Variants in IMMP2L observed in about 807,000 individuals in gnomAD.
IMMP2L encodes inner mitochondrial membrane peptidase subunit 2, also known as mitochondrial inner membrane protease subunit 2.
IMMP2L carries 18 observed loss-of-function variants against 19.3 expected under a neutral mutation model. The ratio of observed to expected loss-of-function variants is 0.93; its 90% CI spans 0.64 to 1.38. The LOEUF is 1.38. Among genes scored for constraint, IMMP2L ranks in the 40% most tolerant of loss-of-function variants. IMMP2L has a pLI of 0.00. For synonymous variants in IMMP2L, 76 were observed against 73.0 expected, an observed-to-expected ratio of 1.04 and a Z score of -0.21; for missense variants, 233 against 218.2, an observed-to-expected ratio of 1.07 and a Z score of -0.43.
chr7:111,436,032 C>T (rs922400848), intron 3 of IMMP2L, among the ~76,000 whole-genome samples: 2 of 151,706 alleles, frequency 1.3e-5, no homozygotes, highest in Non-Finnish European at 2.9e-5. Context: ...ACCAGGTGTC[C>T]TGCCAGACCT....
intron 3 of IMMP2L, among the ~76,000 whole-genome samples, chr7:111,045,176 C>T (rs961935428): frequency 8.5e-5 from 13 of 152,224 alleles, no homozygotes; most frequent in Non-Finnish European, 1.0e-4. Flanking sequence ...AAAAGAACAA[C>T]TATTTGGCTT....
At chr7:111,043,368 T>G (rs1341994710) in intron 3 of IMMP2L, among the ~76,000 whole-genome samples, 1 of 152,316 alleles carries the variant, frequency 6.6e-6, no homozygotes, top group Middle Eastern at 3.4e-3. Context: ...TTACTTAATG[T>G]CCCACCTTCC....
At chr7:111,428,925 A>C (rs1444611327) in intron 3 of IMMP2L, among the ~76,000 whole-genome samples, 2 of 151,882 alleles carry the variant, frequency 1.3e-5, no homozygotes, top group Non-Finnish European at 2.9e-5. Context: ...TAAAAGTGTA[A>C]AAATAAAATA....
chr7:111,321,599 G>A (rs1824727551), intron 3 of IMMP2L, among the ~76,000 whole-genome samples: 1 of 151,782 alleles, frequency 6.6e-6, no homozygotes. Flanking sequence ...GATATAAAAG[G>A]AGTCCTTAAC....
At chr7:111,014,349 T>G (rs898193752) in intron 3 of IMMP2L, among the ~76,000 whole-genome samples, 9 of 151,876 alleles carry the variant, frequency 5.9e-5, no homozygotes, top group Admixed American at 1.3e-4. Context: ...AGTGAGACTC[T>G]GTGTCAAAAG....
At chr7:111,290,625 A>G (rs1584476223) in intron 3 of IMMP2L, among the ~76,000 whole-genome samples, 1 of 152,230 alleles carries the variant, frequency 6.6e-6, no homozygotes, top group South Asian at 2.1e-4. Flanking sequence ...CAAGGGAGAA[A>G]AGAAGCAGAA....
rs148017622 is a variant in IMMP2L, at chr7:110,666,284, T to C, written c.409-2563A>G. Among the ~76,000 whole-genome samples, 537 of 152,136 alleles carry C rather than the reference T, an allele frequency of 3.5e-3. 1 individual carries two copies. The highest frequency in any genetic ancestry group is 0.012 in the African/African-American group (501 of 41,512). On this transcript the variant is annotated intron_variant, in intron 5 of 5. Transcript: ENST00000405709. Reference sequence around the variant, plus strand: ...GGTTTCTTGTTTGTTTGTTTGTTTGTTTGCTTTTGAGACAGAGTCTCACTC... The same window carrying C: ...GGTTTCTTGTTTGTTTGTTTGTTTGCTTGCTTTTGAGACAGAGTCTCACTC...
intron 5 of IMMP2L, among the ~76,000 whole-genome samples, chr7:110,752,729 G>A (rs1797799841): frequency 6.6e-6 from 1 of 152,004 alleles, no homozygotes; most frequent in African/African-American, 2.4e-5. Flanking sequence ...AACTCTGAAG[G>A]GATGTGGGGA....
rs566759054 is a variant in IMMP2L, at chr7:111,354,037, T to C, written c.239+133201A>G. 2.0e-5 allele frequency among the ~76,000 whole-genome samples: 3 copies of C among 152,090 alleles called. No homozygotes were observed. In the East Asian group the frequency reaches 5.8e-4, roughly 29 times the overall value. On this transcript the variant is annotated intron_variant, in intron 3 of 5. Transcript: ENST00000405709. ...AAGACCAGATATTACTCAGAGAGAA[T>C]GTAAAATCAATAAAGAGTAGAACAT...
intron 3 of IMMP2L, among the ~76,000 whole-genome samples, chr7:111,393,947 A>G (rs534550754): frequency 2.6e-5 from 4 of 152,280 alleles, no homozygotes; most frequent in African/African-American, 9.6e-5. Flanking sequence ...TCATATTCTC[A>G]CATTTTCAAA....
intron 3 of IMMP2L, among the ~76,000 whole-genome samples, chr7:111,082,106 A>G (rs1468978747): frequency 1.3e-5 from 2 of 152,220 alleles, no homozygotes; most frequent in African/African-American, 4.8e-5. Context: ...TTTGGAGGCT[A>G]CAAATCCTGA....
chr7:111,039,114 T>C (rs1339808890), intron 3 of IMMP2L, among the ~76,000 whole-genome samples: 1 of 152,092 alleles, frequency 6.6e-6, no homozygotes, highest in East Asian at 1.9e-4. Context: ...TTTGGAGGCA[T>C]AAAGATAGCC....
chr7:110,794,456 G>T (rs1800718888), intron 5 of IMMP2L, among the ~76,000 whole-genome samples: 1 of 151,956 alleles, frequency 6.6e-6, no homozygotes, highest in South Asian at 2.1e-4. Flanking sequence ...CAAAACTACG[G>T]AGACAGTTTT....
chr7:110,879,122 T>G (rs1423279537), intron 5 of IMMP2L, among the ~76,000 whole-genome samples: 1 of 152,098 alleles, frequency 6.6e-6, no homozygotes, highest in African/African-American at 2.4e-5. Flanking sequence ...GCAGGCGCGG[T>G]GGCTCATAGT....
intron 3 of IMMP2L, among the ~76,000 whole-genome samples, chr7:111,058,203 T>C (rs1793688747): frequency 6.6e-6 from 1 of 152,212 alleles, no homozygotes; most frequent in Non-Finnish European, 1.5e-5. Context: ...CCACATCCTT[T>C]TTCTAACTCA....
At chr7:110,899,137 C>T (rs1010175499) in intron 4 of IMMP2L, among the ~76,000 whole-genome samples, 5 of 152,072 alleles carry the variant, frequency 3.3e-5, no homozygotes, top group African/African-American at 4.8e-5. Flanking sequence ...CAGAACGATA[C>T]AGTATCTTTT....
intron 3 of IMMP2L, among the ~76,000 whole-genome samples, chr7:111,092,651 T>A (rs1364319857): frequency 6.6e-6 from 1 of 152,190 alleles, no homozygotes; most frequent in East Asian, 1.9e-4. Flanking sequence ...CAGTAAACTC[T>A]ATGAGCATCC....
At chr7:110,969,386 T>G (rs1012709942) in intron 3 of IMMP2L, among the ~76,000 whole-genome samples, 3 of 152,006 alleles carry the variant, frequency 2.0e-5, no homozygotes, top group Non-Finnish European at 4.4e-5. Flanking sequence ...ACTATAGACT[T>G]TAGTTGTTTT....
intron 3 of IMMP2L, among the ~76,000 whole-genome samples, chr7:111,085,706 T>C (rs1796256530): frequency 6.6e-6 from 1 of 152,292 alleles, no homozygotes; most frequent in East Asian, 1.9e-4. Flanking sequence ...TGCAGCACTA[T>C]TCACAACAGC....
Sources: allele counts gnomAD v4.1 joint callset (sites outside exome capture counted in the v4.1 genomes callset), GRCh38; gene constraint gnomAD v4.1.1; transcripts MANE v1.5; gene names NCBI Gene and HGNC (gene_info 2026-07-23, HGNC 2026-07-21).